CELF4: variants seen among roughly 807,000 people sequenced by gnomAD.
CELF4 encodes the protein CUG-BP- and ETR-3-like factor 4.
Under a neutral mutation model 59.9 loss-of-function variants are expected in CELF4, and 18 were observed. That is an observed-to-expected ratio of 0.30 (90% CI 0.21 to 0.45). CELF4 has a LOEUF of 0.45. CELF4 is among the 20% of genes least tolerant of loss of function. CELF4 has a pLI of 1.00. For missense variants in CELF4, 456 were observed against 689.0 expected (o/e 0.66, Z 3.79); for synonymous variants, 261 against 267.1 (o/e 0.98, Z 0.22).
At chr18:37,460,127 C>T (rs2099789547) in intron 2 of CELF4, among the ~76,000 whole-genome samples, 1 of 152,178 alleles carries the variant, frequency 6.6e-6, no homozygotes, top group Non-Finnish European at 1.5e-5. Flanking sequence ...CTAAGAATCA[C>T]CATGGCCCCA....
At chr18:37,521,082 G>A (rs1247330556) in intron 1 of CELF4, among the ~76,000 whole-genome samples, 1 of 151,264 alleles carries the variant, frequency 6.6e-6, no homozygotes, top group East Asian at 2.0e-4. Context: ...ATCGGGGGTT[G>A]GGGGACAGAC....
At chr18:37,344,648 T>A (rs994308838) in intron 2 of CELF4, among the ~76,000 whole-genome samples, 1 of 152,266 alleles carries the variant, frequency 6.6e-6, no homozygotes, top group Non-Finnish European at 1.5e-5. Context: ...ACCATGCATA[T>A]GTGCACAGCT....
At chr18:37,549,642 G>A (rs2099982532) in intron 1 of CELF4, among the ~76,000 whole-genome samples, 1 of 152,118 alleles carries the variant, frequency 6.6e-6, no homozygotes, top group Admixed American at 6.5e-5. Context: ...GTACCTGGTT[G>A]CAATAGGGAT....
chr18:37,428,797 G>T (rs1356633658), intron 2 of CELF4, among the ~76,000 whole-genome samples: 1 of 152,136 alleles, frequency 6.6e-6, no homozygotes, highest in Non-Finnish European at 1.5e-5. Context: ...GAGGAAGTGT[G>T]CCTGATCCCT....
At position 37,465,011 on chromosome 18, in the gene CELF4, G is replaced by A. The variant is rs2099804082; in HGVS notation, c.369+20514C>T. The stretch of plus-strand genomic sequence containing the variant: ...TGGATCACCATTATCCTGCTTCCGG[G>A]AAAGTCTCTTAACCTCCACAGGCCT... On this transcript the variant is annotated intron_variant, in intron 2 of 12. Transcript: ENST00000420428. Among the ~76,000 whole-genome samples, 13 of 152,090 alleles carry A rather than the reference G, an allele frequency of 8.5e-5. 1 individual carries two copies. Among genetic ancestry groups the A allele is most frequent in the Admixed American group, 8.5e-4 (13 of 15,272 alleles).
chr18:37,467,666 C>T (rs543193273), intron 2 of CELF4, among the ~76,000 whole-genome samples: 14 of 152,248 alleles, frequency 9.2e-5, no homozygotes, highest in Non-Finnish European at 1.6e-4. Flanking sequence ...TTTCCATTTC[C>T]CCCAAGTCAC....
At chr18:37,520,008 C>A (rs1040130642) in intron 1 of CELF4, among the ~76,000 whole-genome samples, 1 of 152,126 alleles carries the variant, frequency 6.6e-6, no homozygotes, top group Non-Finnish European at 1.5e-5. Context: ...ACTTAGGCAC[C>A]AGGACGTCAC....
chr18:37,544,792 G>A (rs1490379506), intron 1 of CELF4, among the ~76,000 whole-genome samples: 5 of 152,122 alleles, frequency 3.3e-5, no homozygotes, highest in African/African-American at 1.2e-4. Flanking sequence ...TCATTCCCCC[G>A]AGGAAGAAAG....
chr18:37,426,494 G>A (rs951846544), intron 2 of CELF4, among the ~76,000 whole-genome samples: 1 of 152,230 alleles, frequency 6.6e-6, no homozygotes, highest in African/African-American at 2.4e-5. Context: ...CCCAGGGGCT[G>A]AGCTGTGGGA....
At chr18:37,381,850 C>G (rs756510373) in intron 2 of CELF4, among the ~76,000 whole-genome samples, 2 of 152,114 alleles carry the variant, frequency 1.3e-5, no homozygotes, top group Non-Finnish European at 2.9e-5. Flanking sequence ...CCAGTCTCAC[C>G]CTGAGTGCTT....
intron 2 of CELF4, among the ~76,000 whole-genome samples, chr18:37,379,531 A>AAC (rs68101716): frequency 1.3e-5 from 2 of 151,196 alleles, no homozygotes; most frequent in African/African-American, 4.9e-5. Flanking sequence ...AAAAAAAAAA[A>AAC]AGGTACTATC....
chr18:37,459,989 T>A (rs1251060646), intron 2 of CELF4, among the ~76,000 whole-genome samples: 1 of 152,168 alleles, frequency 6.6e-6, no homozygotes, highest in African/African-American at 2.4e-5. Context: ...GAAAATCAAA[T>A]AGCAATTCCC....
intron 2 of CELF4, among the ~76,000 whole-genome samples, chr18:37,404,820 T>G (rs1007045102): frequency 6.6e-6 from 1 of 152,340 alleles, no homozygotes; most frequent in African/African-American, 2.4e-5. Context: ...CTTGTTAATC[T>G]GCTCTGGAGG....
chr18:37,287,436 C>G (rs964029663), intron 3 of CELF4, among the ~76,000 whole-genome samples: 2 of 152,188 alleles, frequency 1.3e-5, no homozygotes, highest in African/African-American at 4.8e-5. Flanking sequence ...CAGGAGTCAC[C>G]CTGTAAAGCT....
At chr18:37,248,941 T>C (rs1001137827) in intron 12 of CELF4, among the ~76,000 whole-genome samples, 2 of 142,048 alleles carry the variant, frequency 1.4e-5, no homozygotes, top group African/African-American at 5.8e-5. Context: ...CTCAGCTTTA[T>C]GCTTTCCTGC....
At chr18:37,533,947 C>T (rs1432807131) in intron 1 of CELF4, among the ~76,000 whole-genome samples, 2 of 152,118 alleles carry the variant, frequency 1.3e-5, no homozygotes, top group Non-Finnish European at 2.9e-5. Flanking sequence ...GATCCTGGCT[C>T]CTTGTGGTGT....
intron 2 of CELF4, among the ~76,000 whole-genome samples, chr18:37,358,623 C>G (rs1447226800): frequency 1.3e-5 from 2 of 152,188 alleles, no homozygotes; most frequent in East Asian, 3.9e-4. Flanking sequence ...CTGAATTAGT[C>G]CAGGTGCTTT....
intron 3 of CELF4, among the ~76,000 whole-genome samples, chr18:37,309,680 C>A (rs919683213): frequency 2.6e-5 from 4 of 152,014 alleles, no homozygotes; most frequent in African/African-American, 7.3e-5. Flanking sequence ...AGATACTATG[C>A]GCGTGTGCAC....
chr18:37,433,124 C>T (rs940439250), intron 2 of CELF4, among the ~76,000 whole-genome samples: 1 of 152,156 alleles, frequency 6.6e-6, no homozygotes, highest in Non-Finnish European at 1.5e-5. Context: ...GGGGTGCTGC[C>T]CCGTTCACCT....
Sources: allele counts gnomAD v4.1 joint callset (sites outside exome capture counted in the v4.1 genomes callset), GRCh38; gene constraint gnomAD v4.1.1; transcripts MANE v1.5; gene names NCBI Gene and HGNC (gene_info 2026-07-23, HGNC 2026-07-21).